The following DENND1B variants were observed in gnomAD, a reference collection of about 807,000 sequenced individuals.
DENND1B encodes DENN domain containing 1B.
In DENND1B, 59 loss-of-function variants were observed where a neutral mutation model predicts 90.1. The observed-to-expected ratio is 0.65, with a 90% confidence interval of 0.53 to 0.81. The LOEUF (loss-of-function observed/expected upper bound fraction) is 0.81. DENND1B is among the 40% of genes least tolerant of loss of function. The pLI is 0.00. For synonymous variants in DENND1B, 337 were observed against 324.6 expected, an observed-to-expected ratio of 1.04 and a Z score of -0.41; for missense variants, 862 against 912.6, an observed-to-expected ratio of 0.94 and a Z score of 0.71.
At chr1:197,623,964 TG>T (rs746069889) in intron 10 of DENND1B, among the ~76,000 whole-genome samples, 4 of 151,584 alleles carry the variant, frequency 2.6e-5, no homozygotes, top group Non-Finnish European at 4.4e-5. Flanking sequence ...TCCATGTTCA[TG>T]GGTAGGAAGA....
chr1:197,575,003 C>T (rs905214202), intron 15 of DENND1B, among the ~76,000 whole-genome samples: 24 of 152,278 alleles, frequency 1.6e-4, no homozygotes, highest in Middle Eastern at 3.4e-3. Context: ...AAAACCTAGG[C>T]AATACCATTC....
chr1:197,734,108 G>A (rs910182336), intron 2 of DENND1B: 4 of 963,630 alleles, frequency 4.2e-6, no homozygotes, highest in African/African-American at 1.8e-5. Flanking sequence ...TCAAAATGCA[G>A]AAGTCAAAAT....
chr1:197,540,947 A>G lies in DENND1B; in HGVS notation c.1407+12T>C, dbSNP rs749828970. On this transcript the variant is annotated intron_variant, in intron 19 of 22. Coordinates refer to ENST00000620048, the MANE Select transcript of DENND1B (RefSeq NM_001195215.2). ...AATCAAGGTAAAATGGAAAAAAATG[A>G]ATATGACATACCTTGTGTTTTAGTT... The G allele has an allele frequency of 6.2e-7, 1 of 1,605,438 alleles. No homozygotes were observed. The highest frequency in any genetic ancestry group is 1.1e-5 in the South Asian group (1 of 89,000).
intron 2 of DENND1B, among the ~76,000 whole-genome samples, chr1:197,727,387 G>A (rs1406662364): frequency 2.0e-5 from 3 of 151,668 alleles, no homozygotes; most frequent in African/African-American, 7.3e-5. Context: ...TACAAACAAT[G>A]AGCCAGGCGT....
intron 15 of DENND1B, among the ~76,000 whole-genome samples, chr1:197,569,132 C>T (rs1672934215): frequency 1.3e-5 from 2 of 151,680 alleles, no homozygotes; most frequent in African/African-American, 2.4e-5. Context: ...GGAAAAAAAA[C>T]ATTGATCATA....
intron 13 of DENND1B, chr1:197,606,098 C>T (rs1676656087): frequency 1.3e-5 from 2 of 150,738 alleles, no homozygotes; most frequent in South Asian, 4.2e-4. Context: ...TAACTTAGAA[C>T]TATGTTATAA....
chr1:197,734,972 T>C, intron 2 of DENND1B: 1 of 984,984 alleles, frequency 1.0e-6, no homozygotes, highest in East Asian at 1.1e-4. Flanking sequence ...AATTAAAGAC[T>C]CTGGAACACA....
At chr1:197,678,501 A>G (rs950121869) in intron 3 of DENND1B, among the ~76,000 whole-genome samples, 1 of 152,204 alleles carries the variant, frequency 6.6e-6, no homozygotes, top group Non-Finnish European at 1.5e-5. Context: ...AGTGAGAATT[A>G]CCTAATACTA....
intron 15 of DENND1B, among the ~76,000 whole-genome samples, chr1:197,573,953 T>C (rs1329280160): frequency 6.6e-6 from 1 of 152,128 alleles, no homozygotes; most frequent in East Asian, 1.9e-4. Flanking sequence ...TATCTCAAAA[T>C]AATAAGAGCT....
chr1:197,652,543 TA>T (rs1432581512), intron 6 of DENND1B, among the ~76,000 whole-genome samples: 10 of 152,134 alleles, frequency 6.6e-5, no homozygotes, highest in African/African-American at 9.6e-5. Flanking sequence ...TATTTCTATT[TA>T]GTATAAACAT....
chr1:197,739,477 T>G (rs1462965553), intron 2 of DENND1B, among the ~76,000 whole-genome samples: 1 of 152,126 alleles, frequency 6.6e-6, no homozygotes, highest in East Asian at 1.9e-4. Context: ...AACAGAAACA[T>G]CACAGGAAAA....
intron 15 of DENND1B, among the ~76,000 whole-genome samples, chr1:197,575,584 A>AT (rs1339825793): frequency 3.3e-5 from 5 of 152,212 alleles, no homozygotes; most frequent in Admixed American, 2.0e-4. Context: ...ATTACTGGGT[A>AT]TTTACCCAAA....
rs2125670796 is a variant in DENND1B at position 197,545,970 on chromosome 1, G to C, written c.1302C>G (p.Asn434Lys). 3 of 1,606,882 alleles carry C rather than the reference G, an allele frequency of 1.9e-6. No homozygotes were observed. The highest frequency in any genetic ancestry group is 2.5e-6 in the Non-Finnish European group (3 of 1,178,322). Residue 434 changes from asparagine (N) to lysine (K), a missense_variant, in exon 18 of 23, where the codon AAC becomes AAG. Physicochemically the swap from Asn to Lys is moderately conservative, Grantham distance 94. Coordinates refer to ENST00000620048, the MANE Select transcript of DENND1B (RefSeq NM_001195215.2). ...CAGGGGTTGCTTTGGTCATTGCTGT[G>C]TTGAACAGTGCACCTCCTTTCTGCA... ...HTVKKGGALF[N>K]TAMTKATPAV... is the part of the protein sequence containing the mutation.
chr1:197,768,815 T>G (rs1329580246), intron 2 of DENND1B, among the ~76,000 whole-genome samples: 2 of 151,634 alleles, frequency 1.3e-5, no homozygotes, highest in Non-Finnish European at 2.9e-5. Flanking sequence ...GCACTCCATA[T>G]GAAACTAACA....
chr1:197,580,087 C>CTTTTTTTTTTTTTT (rs139056668), intron 15 of DENND1B, among the ~76,000 whole-genome samples: 287 of 76,750 alleles, frequency 3.7e-3, no homozygotes, highest in Non-Finnish European at 4.4e-3. Context: ...TTCTTTCTTT[C>CTTTTTTTTTTTTTT]TTTTTTTTTT....
chr1:197,631,887 A>G (rs1231822235), intron 10 of DENND1B, among the ~76,000 whole-genome samples: 1 of 152,118 alleles, frequency 6.6e-6, no homozygotes, highest in African/African-American at 2.4e-5. Flanking sequence ...TTAGTAAATG[A>G]TATCAAGAAC....
intron 20 of DENND1B, among the ~76,000 whole-genome samples, chr1:197,538,261 T>C (rs1670062338): frequency 6.6e-6 from 1 of 152,104 alleles, no homozygotes; most frequent in African/African-American, 2.4e-5. Context: ...GTATTTGAGA[T>C]GTTAAAGCTT....
At chr1:197,560,452 A>C (rs984315239) in intron 15 of DENND1B, among the ~76,000 whole-genome samples, 1 of 151,888 alleles carries the variant, frequency 6.6e-6, no homozygotes, top group South Asian at 2.1e-4. Context: ...TAGACTTCCT[A>C]AGGGAAGTTA....
intron 20 of DENND1B, among the ~76,000 whole-genome samples, chr1:197,517,817 T>C (rs546755504): frequency 3.9e-5 from 6 of 151,974 alleles, no homozygotes; most frequent in Non-Finnish European, 8.8e-5. Context: ...CTAAACCGTC[T>C]CCTTCTCTTG....
Sources: gnomAD v4.1 joint callset for allele counts (sites outside exome capture counted in the v4.1 genomes callset) on GRCh38, gnomAD v4.1.1 for gene constraint, MANE v1.5 for transcripts, NCBI Gene and HGNC (gene_info 2026-07-23, HGNC 2026-07-21) for gene names.